The following SLC6A13 variants were observed in gnomAD, a reference collection of about 807,000 sequenced individuals.
SLC6A13 encodes the protein sodium- and chloride-dependent GABA transporter 2.
SLC6A13 carries 69 observed loss-of-function variants against 72.9 expected under a neutral mutation model. The observed-to-expected ratio is 0.95, with a 90% CI of 0.78 to 1.16. SLC6A13 has a LOEUF of 1.16. Among genes scored for constraint, SLC6A13 ranks in the 50% most tolerant of loss-of-function variants. The probability of loss-of-function intolerance (pLI) is 0.00; values close to 1 mark genes in which losing one functional copy is unlikely to be tolerated. For missense variants in SLC6A13, 735 were observed against 760.5 expected, an observed-to-expected ratio of 0.97 and a Z score of 0.39; for synonymous variants, 303 against 303.0, an observed-to-expected ratio of 1.00 and a Z score of 0.00.
At position 223,118 on chromosome 12, in the gene SLC6A13, G is replaced by A; in HGVS notation, c.1414+14C>T. ...AAGAGGAGGATGCTGGGACCTAGGG[G>A]AGGAGTCACTCACCGTAAACCCAAG... On this transcript the variant is annotated intron_variant, in intron 12 of 14. Coordinates refer to ENST00000343164, the MANE Select transcript of SLC6A13 (RefSeq NM_016615.5). 1 of 1,532,630 alleles carries A rather than the reference G, an allele frequency of 6.5e-7. No individual in the cohort carries two copies. Among genetic ancestry groups the A allele is most frequent in the Non-Finnish European group, 9.0e-7 (1 of 1,106,220 alleles). The allele number at this position is 1,532,630 out of a possible 1,614,324, so 94.9% of individuals were successfully genotyped here. A position where few individuals can be genotyped will look rare whatever the true frequency, so the allele number is the denominator to read the frequency against.
intron 2 of SLC6A13, among the ~76,000 whole-genome samples, chr12:256,167 G>A (rs1273515895): frequency 1.3e-5 from 2 of 152,278 alleles, no homozygotes; most frequent in Middle Eastern, 6.8e-3. Flanking sequence ...TTATTGTGTA[G>A]TGTCTGTCTC....
rs550104761 is a variant in SLC6A13 at position 220,900 on chromosome 12, A to T, written c.*48T>A. ...GCTGCTTCTGCCACGTTCCCTCCAC[A>T]GCCATCCCCAAGGCCAGGCACACAG... On this transcript the variant is annotated 3_prime_UTR_variant, in exon 15 of 15. Transcript: ENST00000343164. 8 of 1,605,124 alleles carry T rather than the reference A, an allele frequency of 5.0e-6. No individual in the cohort carries two copies. In the Admixed American group the frequency reaches 1.0e-4, roughly 20 times the overall value.
intron 4 of SLC6A13, 58 bp downstream of exon 4, chr12:242,556 A>T: frequency 6.5e-7 from 1 of 1,543,322 alleles, no homozygotes; most frequent in Non-Finnish European, 8.9e-7. Context: ...GACAAGCCCA[A>T]TTCCGGTTAA....
At chr12:262,740 C>A in intron 1 of SLC6A13, 49 bp downstream of exon 1, 1 of 975,788 alleles carries the variant, frequency 1.0e-6, no homozygotes, top group South Asian at 4.7e-5. Flanking sequence ...CACCAACCTG[C>A]AGTCTGAGAC....
chr12:240,739 A>G (rs563413000), intron 4 of SLC6A13, among the ~76,000 whole-genome samples: 1 of 152,218 alleles, frequency 6.6e-6, no homozygotes, highest in African/African-American at 2.4e-5. Context: ...ATTTAACAAG[A>G]ACCTAATGCC....
At chr12:227,692 G>A (rs1941521656) in intron 7 of SLC6A13, 24 bp from the exon 8 acceptor site, 1 of 1,568,528 alleles carries the variant, frequency 6.4e-7, no homozygotes, top group South Asian at 1.2e-5. Flanking sequence ...GGGCAAGAAA[G>A]GTGAACTCCC....
intron 2 of SLC6A13, among the ~76,000 whole-genome samples, chr12:252,417 T>C (rs765345600): frequency 7.9e-5 from 12 of 152,332 alleles, no homozygotes; most frequent in African/African-American, 2.9e-4. Flanking sequence ...ACTATCTCAA[T>C]TGTGGCAGTG....
chr12:250,371 T>G (rs1027425216), intron 2 of SLC6A13, among the ~76,000 whole-genome samples: 1 of 151,658 alleles, frequency 6.6e-6, no homozygotes, highest in African/African-American at 2.4e-5. Flanking sequence ...GAAGACATGA[T>G]ATTCTACAAT....
chr12:241,929 C>T (rs1424190215), intron 4 of SLC6A13, among the ~76,000 whole-genome samples: 1 of 152,198 alleles, frequency 6.6e-6, no homozygotes, highest in Non-Finnish European at 1.5e-5. Flanking sequence ...TTTACTGTAC[C>T]TTTCCTATGT....
chr12:243,285 G>A (rs2137298132), intron 3 of SLC6A13, among the ~76,000 whole-genome samples: 1 of 152,328 alleles, frequency 6.6e-6, no homozygotes, highest in Admixed American at 6.5e-5. Flanking sequence ...AAAGTGCTGG[G>A]ATTACAGGCA....
At chr12:229,588 G>C (rs1941618050) in intron 7 of SLC6A13, among the ~76,000 whole-genome samples, 1 of 152,234 alleles carries the variant, frequency 6.6e-6, no homozygotes. Flanking sequence ...TAAGGGCTCA[G>C]GACCAATGCA....
In SLC6A13 at chr12:235,207, G is replaced by A. The variant is rs1245324617; in HGVS notation, c.714C>T (p.Ala238=). 6.2e-7 allele frequency: 1 copy of A among 1,614,082 alleles called. No homozygotes were observed. The highest frequency in any genetic ancestry group is 2.2e-5 in the East Asian group (1 of 44,900). Residue 238 remains alanine, a synonymous_variant, in exon 7 of 15, where the codon GCC becomes GCT. Transcript: ENST00000343164. ...KSTGKVVYFT[A]TFPYLMLVVL... ...CCACCAGCATGAGGTAAGGAAATGTGGCCGTGAAGTACACCACCTGGTCAT... is the reference window on the plus strand; with the variant it reads ...CCACCAGCATGAGGTAAGGAAATGTAGCCGTGAAGTACACCACCTGGTCAT...
intron 9 of SLC6A13, among the ~76,000 whole-genome samples, 187 bp downstream of exon 9, chr12:226,203 G>A (rs894690341): frequency 2.0e-5 from 3 of 152,190 alleles, no homozygotes; most frequent in African/African-American, 7.2e-5. Flanking sequence ...AATGTTCACT[G>A]TAGGCCTACT....
intron 9 of SLC6A13, among the ~76,000 whole-genome samples, chr12:225,225 T>C (rs1229384909): frequency 6.6e-6 from 1 of 152,094 alleles, no homozygotes. Context: ...ACCTCGGAGG[T>C]CTTTTGCTTC....
At chr12:237,027 C>G (rs1373216788) in intron 6 of SLC6A13, 131 bp downstream of exon 6, 5 of 960,174 alleles carry the variant, frequency 5.2e-6, no homozygotes, top group Admixed American at 2.2e-5. Flanking sequence ...AGGAAGGGAG[C>G]CACATCAAAT....
intron 2 of SLC6A13, among the ~76,000 whole-genome samples, chr12:258,098 C>T (rs558338313): frequency 1.1e-4 from 16 of 152,296 alleles, no homozygotes; most frequent in African/African-American, 3.9e-4. Context: ...GTGGAGCGTT[C>T]GGCACTAGGT....
intron 9 of SLC6A13, 98 bp from the exon 10 acceptor site, chr12:224,611 G>C: frequency 1.1e-6 from 1 of 938,766 alleles, no homozygotes. Flanking sequence ...GAATAACAGG[G>C]GCTAGAGGAA....
chr12:249,139 A>G (rs2137307651), intron 2 of SLC6A13, among the ~76,000 whole-genome samples: 1 of 152,312 alleles, frequency 6.6e-6, no homozygotes, highest in South Asian at 2.1e-4. Context: ...TACCTAGGAG[A>G]TTTACTAAAT....
At chr12:221,187 G>T in intron 14 of SLC6A13, 117 bp from the exon 15 acceptor site, 1 of 1,394,010 alleles carries the variant, frequency 7.2e-7, no homozygotes, top group Non-Finnish European at 9.5e-7. Flanking sequence ...TGTCATCACA[G>T]CCCCTGTCTG....
Sources: allele counts gnomAD v4.1 joint callset (sites outside exome capture counted in the v4.1 genomes callset), GRCh38; gene constraint gnomAD v4.1.1; transcripts MANE v1.5; gene names NCBI Gene and HGNC (gene_info 2026-07-23, HGNC 2026-07-21).